PARN: variants seen among roughly 807,000 people sequenced by gnomAD.
The protein encoded by PARN is poly(A)-specific ribonuclease PARN.
PARN carries 71 observed loss-of-function variants against 102.8 expected under a neutral mutation model. The observed-to-expected ratio is 0.69, with a 90% CI of 0.57 to 0.84. The LOEUF is 0.84. PARN is among the 40% of genes least tolerant of loss of function. PARN has a pLI of 0.00. For synonymous variants in PARN, 261 were observed against 252.9 expected (o/e 1.03, Z -0.30); for missense variants, 782 against 760.9 (o/e 1.03, Z -0.33).
At chr16:14,578,331 C>CAA (rs1199897215) in intron 18 of PARN, among the ~76,000 whole-genome samples, 9,356 of 44,862 alleles carry the variant, frequency 0.21, 995 homozygotes, top group Non-Finnish European at 0.29. Context: ...TCTGTCTCAC[C>CAA]AAAAAAAAAA....
intron 22 of PARN, among the ~76,000 whole-genome samples, chr16:14,449,584 T>C (rs1027685259): frequency 2.0e-5 from 3 of 152,132 alleles, no homozygotes; most frequent in Admixed American, 6.5e-5. Context: ...CACGAGGAAA[T>C]ATCTGCAACA....
intron 11 of PARN, chr16:14,602,208 G>C (rs1033001816): frequency 1.3e-5 from 2 of 152,124 alleles, no homozygotes; most frequent in African/African-American, 2.4e-5. Flanking sequence ...CCCTACATGG[G>C]AGCTGACATT....
At chr16:14,474,713 G>A (rs1350807791) in intron 22 of PARN, among the ~76,000 whole-genome samples, 2 of 152,206 alleles carry the variant, frequency 1.3e-5, no homozygotes, top group East Asian at 3.8e-4. Flanking sequence ...AGCCTAAGCT[G>A]GAACCCTTGG....
chr16:14,576,993 C>T (rs557202623), intron 18 of PARN, among the ~76,000 whole-genome samples: 1 of 152,320 alleles, frequency 6.6e-6, no homozygotes, highest in South Asian at 2.1e-4. Flanking sequence ...ATAACTGATG[C>T]TACTAAATGC....
chr16:14,468,783 T>A (rs117689629), intron 22 of PARN, among the ~76,000 whole-genome samples: 4,306 of 152,160 alleles, frequency 0.028, 83 homozygotes, highest in Non-Finnish European at 0.041. Context: ...GATGTGTGAC[T>A]GCAATCCTAG....
At chr16:14,474,937 G>A (rs1024472752) in intron 22 of PARN, among the ~76,000 whole-genome samples, 5 of 152,200 alleles carry the variant, frequency 3.3e-5, no homozygotes, top group Admixed American at 3.3e-4. Flanking sequence ...ACCTTCTAAT[G>A]TAATACATAT....
intron 1 of PARN, 45 bp downstream of exon 1, chr16:14,630,062 G>A (rs764563401): frequency 2.0e-6 from 3 of 1,527,948 alleles, no homozygotes; most frequent in Non-Finnish European, 2.7e-6. Flanking sequence ...CAGGCCAGGG[G>A]CAGCCGGGTG....
chr16:14,558,558 T>C (rs559710775), intron 18 of PARN: 2 of 150,646 alleles, frequency 1.3e-5, no homozygotes, highest in South Asian at 4.2e-4. Context: ...AGAACAAAAG[T>C]TGAATCAACA....
At chr16:14,453,761 G>T (rs1961565365) in intron 22 of PARN, among the ~76,000 whole-genome samples, 2 of 152,074 alleles carry the variant, frequency 1.3e-5, no homozygotes, top group Admixed American at 6.6e-5. Flanking sequence ...ATGGCTGTTA[G>T]TATTAGTACT....
chr16:14,609,020 C>A (rs566419172), intron 8 of PARN, 38 bp downstream of exon 8: 2 of 1,259,048 alleles, frequency 1.6e-6, no homozygotes, highest in East Asian at 4.7e-5. Context: ...TCTACCTTTC[C>A]AAAAAAAGGA....
intron 18 of PARN, among the ~76,000 whole-genome samples, chr16:14,574,584 A>T (rs997824437): frequency 6.6e-6 from 1 of 152,044 alleles, no homozygotes; most frequent in Non-Finnish European, 1.5e-5. Flanking sequence ...GTGGTGGCGC[A>T]CACCTGTAAT....
chr16:14,436,378 C>T lies in PARN; in HGVS notation c.*339G>A. 3.2e-6 allele frequency: 1 copy of T among 308,918 alleles called. No homozygotes were observed. Among genetic ancestry groups the T allele is most frequent in the Admixed American group, 4.6e-5 (1 of 21,744 alleles). 19.1% of individuals were successfully genotyped at this position (308,918 alleles called of 1,614,324 possible). ...GAATGTCAGCTCTTTTTGCAGATTT[C>T]ACAGCCGACACTCCCCATCAGGCAG... On this transcript the variant is annotated 3_prime_UTR_variant, in exon 24 of 24. Coordinates refer to ENST00000437198, the MANE Select transcript of PARN (RefSeq NM_002582.4).
chr16:14,475,542 G>A (rs1226564252), intron 22 of PARN, among the ~76,000 whole-genome samples: 3 of 152,144 alleles, frequency 2.0e-5, no homozygotes, highest in African/African-American at 7.2e-5. Context: ...TCTGGACACT[G>A]AATCTATTAC....
At chr16:14,467,941 G>T (rs903335054) in intron 22 of PARN, among the ~76,000 whole-genome samples, 1 of 152,184 alleles carries the variant, frequency 6.6e-6, no homozygotes, top group African/African-American at 2.4e-5. Flanking sequence ...TTATTTAAAC[G>T]TTTTTCCAAG....
chr16:14,506,410 G>A (rs922454638), intron 21 of PARN, among the ~76,000 whole-genome samples: 2 of 152,108 alleles, frequency 1.3e-5, no homozygotes, highest in African/African-American at 4.8e-5. Context: ...ATGGACATTA[G>A]ATCATATCAA....
intron 21 of PARN, among the ~76,000 whole-genome samples, chr16:14,507,970 C>T (rs1964982927): frequency 6.6e-6 from 1 of 152,034 alleles, no homozygotes; most frequent in Non-Finnish European, 1.5e-5. Context: ...TCTTCAAGTC[C>T]ATCTATAGTA....
intron 12 of PARN, 85 bp downstream of exon 12, chr16:14,599,819 G>A: frequency 1.3e-6 from 1 of 799,964 alleles, no homozygotes; most frequent in Non-Finnish European, 2.1e-6. Context: ...TAAAGGAGAT[G>A]AAATGATTAA....
chr16:14,502,477 A>G (rs1964674598), intron 21 of PARN, among the ~76,000 whole-genome samples: 1 of 152,240 alleles, frequency 6.6e-6, no homozygotes, highest in Non-Finnish European at 1.5e-5. Context: ...TGCTACAAGA[A>G]GAGTGTGAAA....
intron 13 of PARN, among the ~76,000 whole-genome samples, chr16:14,588,263 T>C (rs980937256): frequency 3.9e-5 from 6 of 152,122 alleles, no homozygotes; most frequent in African/African-American, 1.4e-4. Context: ...TAAGTCAGTC[T>C]TGGAAAAAGG....
Sources: gnomAD v4.1 joint callset for allele counts (sites outside exome capture counted in the v4.1 genomes callset) on GRCh38, gnomAD v4.1.1 for gene constraint, MANE v1.5 for transcripts, NCBI Gene and HGNC (gene_info 2026-07-23, HGNC 2026-07-21) for gene names.